The following CKAP2 variants were observed in gnomAD, a reference collection of about 807,000 sequenced individuals.
CKAP2 encodes the protein cytoskeleton-associated protein 2.
In CKAP2, 46 loss-of-function variants were observed where a neutral mutation model predicts 58.4. The ratio of observed to expected loss-of-function variants is 0.79; its 90% CI spans 0.62 to 1.01. The LOEUF (loss-of-function observed/expected upper bound fraction) is 1.01, where lower values mean the gene tolerates loss of function less well. Among genes scored for constraint, CKAP2 ranks in the 50% least tolerant of loss-of-function variants. The pLI, the probability that CKAP2 is intolerant of heterozygous loss-of-function variation, is 0.00. For missense variants in CKAP2, 809 were observed against 796.4 expected, an observed-to-expected ratio of 1.02 and a Z score of -0.19; for synonymous variants, 293 against 280.9, an observed-to-expected ratio of 1.04 and a Z score of -0.43.
At chr13:52,455,734 T>C (rs1280702856) in intron 1 of CKAP2, 108 bp downstream of exon 1, 10 of 1,224,886 alleles carry the variant, frequency 8.2e-6, no homozygotes, top group Non-Finnish European at 1.1e-5. Flanking sequence ...TCTCCCCCGC[T>C]CTGTGAGATC....
intron 1 of CKAP2, 110 bp downstream of exon 1, chr13:52,455,736 T>A (rs1958467208): frequency 8.2e-7 from 1 of 1,221,478 alleles, no homozygotes; most frequent in Non-Finnish European, 1.1e-6. Flanking sequence ...TCCCCCGCTC[T>A]GTGAGATCCC....
intron 5 of CKAP2, 144 bp from the exon 6 acceptor site, chr13:52,465,151 T>C (rs1958645608): frequency 1.6e-6 from 1 of 624,076 alleles, no homozygotes; most frequent in Non-Finnish European, 2.7e-6. Flanking sequence ...CATTTTTTAC[T>C]AATAAATTTC....
intron 2 of CKAP2, among the ~76,000 whole-genome samples, chr13:52,460,281 T>A (rs1958549081): frequency 6.6e-6 from 1 of 152,220 alleles, no homozygotes; most frequent in Non-Finnish European, 1.5e-5. Flanking sequence ...TGTTACTAAG[T>A]ACTTAAAACT....
intron 2 of CKAP2, among the ~76,000 whole-genome samples, chr13:52,457,382 C>G (rs971222519): frequency 1.3e-5 from 2 of 152,138 alleles, no homozygotes; most frequent in African/African-American, 4.8e-5. Context: ...TTGGGTGGCC[C>G]TCCCAAATGC....
chr13:52,462,940 TTTTG>T (rs1036570959), intron 5 of CKAP2, among the ~76,000 whole-genome samples: 4 of 152,194 alleles, frequency 2.6e-5, no homozygotes, highest in East Asian at 1.9e-4. Flanking sequence ...TTCATTTACG[TTTTG>T]TTTGTTTGTT....
At chr13:52,466,616 A>C (rs1331645782) in intron 6 of CKAP2, among the ~76,000 whole-genome samples, 1 of 152,240 alleles carries the variant, frequency 6.6e-6, no homozygotes, top group African/African-American at 2.4e-5. Context: ...TCACATAGAA[A>C]GCAATAATGT....
intron 5 of CKAP2, among the ~76,000 whole-genome samples, chr13:52,463,392 ACAC>A (rs1423699167): frequency 1.3e-5 from 2 of 152,044 alleles, no homozygotes; most frequent in Non-Finnish European, 2.9e-5. Flanking sequence ...TTGTTTGGCA[ACAC>A]CATCATTCCT....
intron 6 of CKAP2, among the ~76,000 whole-genome samples, chr13:52,467,955 G>A (rs1033664247): frequency 2.0e-5 from 3 of 151,914 alleles, no homozygotes; most frequent in Non-Finnish European, 1.5e-5. Flanking sequence ...GACTACAGGC[G>A]CCTGCCACCA....
chr13:52,459,763 G>C (rs897278139), intron 2 of CKAP2, among the ~76,000 whole-genome samples: 2 of 152,114 alleles, frequency 1.3e-5, no homozygotes, highest in African/African-American at 4.8e-5. Context: ...AAAATCACTT[G>C]CTAAGAGATG....
Position 52,461,326 on chromosome 13 carries a change from C to T in CKAP2, c.500C>T (p.Ala167Val), listed in dbSNP as rs1457375103. 1.2e-6 allele frequency: 2 copies of T among 1,614,132 alleles called. No homozygotes were observed. The highest frequency in any genetic ancestry group is 1.3e-5 in the African/African-American group (1 of 75,042). ...ACTACAGAAAAACAAAAGCAAGATG[C>T]TAACATGCCCAAGAAACCTGTGCTT... ...QMTTEKQKQD[A>V]NMPKKPVLGS... is the part of the protein sequence containing the mutation. Residue 167 changes from alanine to valine, a missense_variant, in exon 4 of 9, where the codon GCT (alanine) becomes GTT (valine). By Grantham distance (64) the Ala-to-Val change is moderately conservative. Coordinates refer to ENST00000258607, the MANE Select transcript of CKAP2 (RefSeq NM_018204.5).
Position 52,462,386 on chromosome 13 carries a change from C to G in CKAP2, c.1124C>G (p.Ala375Gly). 1 of 1,613,998 alleles carries G rather than the reference C, an allele frequency of 6.2e-7. No homozygotes were observed. Among genetic ancestry groups the G allele is most frequent in the Non-Finnish European group, 8.5e-7 (1 of 1,179,992 alleles). Reference protein sequence around the residue: ...ERKARLSEWKAGKGRVLKRPP... With the variant: ...ERKARLSEWKGGKGRVLKRPP... Reference sequence around the variant, plus strand: ...AGAGCTCGTCTGAGTGAGTGGAAAGCTGGCAAAGGAAGAGTGCTAAAAAGG... The same window carrying G: ...AGAGCTCGTCTGAGTGAGTGGAAAGGTGGCAAAGGAAGAGTGCTAAAAAGG... Residue 375 changes from alanine (A) to glycine (G), a missense_variant, in exon 5 of 9, where the codon GCT (alanine) becomes GGT (glycine). By Grantham distance (60) the Ala-to-Gly change is moderately conservative. Coordinates refer to ENST00000258607, the MANE Select transcript of CKAP2 (RefSeq NM_018204.5).
intron 5 of CKAP2, 91 bp from the exon 6 acceptor site, chr13:52,465,204 G>C: frequency 1.8e-6 from 2 of 1,093,094 alleles, no homozygotes; most frequent in East Asian, 4.8e-5. Flanking sequence ...TAGGGCTATC[G>C]TTATCATTGA....
chr13:52,465,235 AT>A (rs1406655613), intron 5 of CKAP2, 59 bp from the exon 6 acceptor site: 3 of 1,445,654 alleles, frequency 2.1e-6, no homozygotes, highest in Middle Eastern at 5.0e-4. Flanking sequence ...AGTAGGCTCA[AT>A]TATTGTTCCC....
At position 52,474,899 on chromosome 13, in the gene CKAP2, A is replaced by G. The variant is rs771285973; in HGVS notation, c.1807A>G (p.Lys603Glu). ...GAATATTGTTTTAATTTTCAGTGTG[A>G]AAAAAAAGGTGCAGTTTGATGGAAC... ...VSTTPYLQSV[K>E]KKVQFDGTNS... Residue 603 changes from lysine to glutamate, a missense_variant, in exon 9 of 9, where the codon AAA becomes GAA. Around this residue, in one of 3 missense-constraint regions of CKAP2, gnomAD observed 283 missense variants for 287.6 expected, o/e 0.98. Transcript: ENST00000258607. 7 of 1,597,632 alleles carry G rather than the reference A, an allele frequency of 4.4e-6. No individual in the cohort carries two copies. The highest frequency in any genetic ancestry group is 2.2e-5 in the East Asian group (1 of 44,596).
Position 52,461,042 on chromosome 13 carries a change from T to TA in CKAP2, c.232-13dup. ...TTTTGCCTTTCCTAAACACTTTTCT[T>TA]AAATAATTCTTTCAGGCTGATAAAG... On this transcript the variant is annotated splice_polypyrimidine_tract_variant and intron_variant, in intron 3 of 8. Coordinates refer to ENST00000258607, the MANE Select transcript of CKAP2 (RefSeq NM_018204.5). The TA allele has an allele frequency of 6.2e-7, 1 of 1,601,390 alleles. No individual in the cohort carries two copies. Among genetic ancestry groups the TA allele is most frequent in the African/African-American group, 1.4e-5 (1 of 74,068 alleles).
chr13:52,463,794 T>C (rs1958621864), intron 5 of CKAP2, among the ~76,000 whole-genome samples: 2 of 152,336 alleles, frequency 1.3e-5, no homozygotes, highest in African/African-American at 4.8e-5. Context: ...GGTTTTTGTC[T>C]TAGAAGTTTC....
chr13:52,456,814 C>T (rs145944299), intron 2 of CKAP2, among the ~76,000 whole-genome samples: 34 of 152,244 alleles, frequency 2.2e-4, no homozygotes, highest in African/African-American at 7.9e-4. Flanking sequence ...TCCATTTGGT[C>T]TATCCACATT....
At chr13:52,465,232 T>C (rs888742857) in intron 5 of CKAP2, 63 bp from the exon 6 acceptor site, 2 of 1,388,500 alleles carry the variant, frequency 1.4e-6, no homozygotes, top group Admixed American at 3.9e-5. Context: ...TATAGTAGGC[T>C]CAATTATTGT....
At chr13:52,472,158 C>T (rs1246745925) in intron 7 of CKAP2, among the ~76,000 whole-genome samples, 1 of 152,050 alleles carries the variant, frequency 6.6e-6, no homozygotes, top group Non-Finnish European at 1.5e-5. Context: ...ATATACCATC[C>T]CCTCTCCTCT....
Sources: gnomAD v4.1 joint callset for allele counts (sites outside exome capture counted in the v4.1 genomes callset) on GRCh38, gnomAD v4.1.1 for gene constraint, gnomAD v4.1.1 regional missense constraint, MANE v1.5 for transcripts, NCBI Gene and HGNC (gene_info 2026-07-23, HGNC 2026-07-21) for gene names.